The following VSTM4 variants were observed in gnomAD, a reference collection of about 807,000 sequenced individuals.
The protein encoded by VSTM4 is V-set and transmembrane domain containing 4.
VSTM4 carries 20 observed loss-of-function variants against 36.4 expected under a neutral mutation model. The observed-to-expected ratio is 0.55, with a 90% CI of 0.39 to 0.80. The LOEUF is 0.80. Ranked by LOEUF, VSTM4 falls within the 30% of genes least tolerant of loss-of-function variation. The pLI is 0.00. For missense variants in VSTM4, 392 were observed against 404.5 expected, an observed-to-expected ratio of 0.97 and a Z score of 0.26; for synonymous variants, 182 against 173.9, an observed-to-expected ratio of 1.05 and a Z score of -0.37.
chr10:49,060,031 T>C (rs577089985), intron 5 of VSTM4, among the ~76,000 whole-genome samples: 239 of 152,352 alleles, frequency 1.6e-3, no homozygotes, highest in South Asian at 2.5e-3. Context: ...CTTTGGTCCA[T>C]ACCCAGTGTG....
intron 5 of VSTM4, among the ~76,000 whole-genome samples, chr10:49,058,521 TG>T (rs1021051040): frequency 6.6e-5 from 10 of 152,172 alleles, no homozygotes; most frequent in Admixed American, 6.5e-4. Flanking sequence ...ACTCAGGCCC[TG>T]CTCTCTGCTC....
intron 2 of VSTM4, among the ~76,000 whole-genome samples, chr10:49,087,443 T>C (rs997608395): frequency 6.6e-6 from 1 of 152,232 alleles, no homozygotes; most frequent in African/African-American, 2.4e-5. Flanking sequence ...CCAGACATTG[T>C]ATATAGAAAA....
intron 7 of VSTM4, among the ~76,000 whole-genome samples, chr10:49,041,227 T>G (rs1452488514): frequency 6.6e-6 from 1 of 152,240 alleles, no homozygotes; most frequent in Non-Finnish European, 1.5e-5. Context: ...ACTAATGGTC[T>G]GATAGAGGCC....
chr10:49,062,522 G>A (rs917802337), intron 5 of VSTM4, among the ~76,000 whole-genome samples: 1 of 152,234 alleles, frequency 6.6e-6, no homozygotes, highest in African/African-American at 2.4e-5. Context: ...ATTCAGAGCA[G>A]AAATGCACTG....
intron 7 of VSTM4, 88 bp downstream of exon 7, chr10:49,046,895 T>C (rs1843618881): frequency 1.5e-6 from 2 of 1,290,392 alleles, no homozygotes; most frequent in African/African-American, 1.5e-5. Flanking sequence ...ACTTTCTGTA[T>C]GTTTTGAGTT....
At chr10:49,032,067 T>G (rs955826079) in intron 7 of VSTM4, among the ~76,000 whole-genome samples, 3 of 151,778 alleles carry the variant, frequency 2.0e-5, no homozygotes, top group African/African-American at 7.3e-5. Flanking sequence ...CCCCTTGCCC[T>G]GTTCTACTGC....
rs1843145727 is a variant in VSTM4 at position 49,019,360 on chromosome 10, TTTGGCTCAGCAGAAAATCTCC to T, written c.*269_*289del. ...GAAAGAGGAGAAAAATGTGAAGGGG[TTTGGCTCAGCAGAAAATCTCC>T]TTGGCTGCTCTCAGGATCAGAATCC... On this transcript the variant is annotated 3_prime_UTR_variant, in exon 8 of 8. Coordinates refer to ENST00000332853, the MANE Select transcript of VSTM4 (RefSeq NM_001031746.5). 1 of 261,378 alleles carries T rather than the reference TTTGGCTCAGCAGAAAATCTCC, an allele frequency of 3.8e-6. No individual in the cohort carries two copies. Among genetic ancestry groups the T allele is most frequent in the Admixed American group, 5.4e-5 (1 of 18,442 alleles). The allele number at this position is 261,378 out of a possible 1,614,324, so 16.2% of individuals were successfully genotyped here.
At chr10:49,034,948 C>T (rs1239204664) in intron 7 of VSTM4, among the ~76,000 whole-genome samples, 8 of 152,172 alleles carry the variant, frequency 5.3e-5, no homozygotes, top group African/African-American at 1.9e-4. Context: ...TATTTCCCAG[C>T]AGTGCAATGA....
chr10:49,083,344 T>A (rs541412272), intron 3 of VSTM4, among the ~76,000 whole-genome samples: 2 of 152,248 alleles, frequency 1.3e-5, no homozygotes, highest in East Asian at 3.9e-4. Context: ...ACAGCCAGGA[T>A]GAACTAAGCC....
chr10:49,017,166 C>T lies in VSTM4; in HGVS notation c.*2484G>A, dbSNP rs1843116043. 1 of 152,212 alleles carries T rather than the reference C, an allele frequency of 6.6e-6. No individual in the cohort carries two copies. Among genetic ancestry groups the T allele is most frequent in the African/African-American group, 2.4e-5 (1 of 41,444 alleles). 9.4% of individuals were successfully genotyped at this position (152,212 alleles called of 1,614,324 possible). A position where few individuals can be genotyped will look rare whatever the true frequency, so the allele number is the denominator to read the frequency against. ...GAAATGACAATGCATGATTAGTGGT[C>T]CATGGACAAAGAATGAATGAGTGGG... On this transcript the variant is annotated 3_prime_UTR_variant, in exon 8 of 8. Transcript: ENST00000332853.
At position 49,046,986 on chromosome 10, in the gene VSTM4, C is replaced by A; in HGVS notation, c.834G>T (p.Thr278=). ...AATACAGAAGACGGTTACTTACCAG[C>A]GTGACTTTTCTCTGTGGTTTCAGCA... ...PKLLKPQRKV[T]LPKIAEENLT... Residue 278 remains threonine (T), a synonymous_variant, in exon 7 of 8, where the codon ACG becomes ACT. Transcript: ENST00000332853. The A allele has an allele frequency of 6.2e-7, 1 of 1,613,942 alleles. No homozygotes were observed. The highest frequency in any genetic ancestry group is 8.5e-7 in the Non-Finnish European group (1 of 1,179,880).
intron 7 of VSTM4, among the ~76,000 whole-genome samples, chr10:49,046,524 A>G (rs1564572345): frequency 6.6e-6 from 1 of 152,240 alleles, no homozygotes; most frequent in Non-Finnish European, 1.5e-5. Context: ...TACCATGACT[A>G]TGTAAGAAAC....
At chr10:49,092,603 G>C (rs924718434) in intron 2 of VSTM4, among the ~76,000 whole-genome samples, 1 of 152,192 alleles carries the variant, frequency 6.6e-6, no homozygotes, top group East Asian at 1.9e-4. Flanking sequence ...GGGAAGGGGC[G>C]TGCTGGGTAG....
chr10:49,032,693 C>G (rs1242701194), intron 7 of VSTM4, among the ~76,000 whole-genome samples: 1 of 152,214 alleles, frequency 6.6e-6, no homozygotes, highest in African/African-American at 2.4e-5. Context: ...GACAGGGACA[C>G]TCTCCTCTTT....
intron 1 of VSTM4, among the ~76,000 whole-genome samples, chr10:49,114,964 C>A (rs372064305): frequency 4.6e-5 from 7 of 152,276 alleles, no homozygotes; most frequent in African/African-American, 1.4e-4. Context: ...CCGTTCCCCA[C>A]CTCCTGGCCA....
chr10:49,098,224 C>T (rs570510008), intron 2 of VSTM4, among the ~76,000 whole-genome samples: 1 of 152,240 alleles, frequency 6.6e-6, no homozygotes, highest in Non-Finnish European at 1.5e-5. Context: ...CAGGCCTCAG[C>T]CTTCCTCACC....
At chr10:49,113,401 T>C (rs1844932906) in intron 1 of VSTM4, among the ~76,000 whole-genome samples, 2 of 152,190 alleles carry the variant, frequency 1.3e-5, no homozygotes, top group African/African-American at 4.8e-5. Context: ...CCTTGCCCAA[T>C]GATAGAGGCT....
At chr10:49,020,933 A>T (rs1341357484) in intron 7 of VSTM4, among the ~76,000 whole-genome samples, 2 of 152,196 alleles carry the variant, frequency 1.3e-5, no homozygotes, top group African/African-American at 4.8e-5. Flanking sequence ...GATATTAAAA[A>T]GTCTATTAAT....
At chr10:49,068,883 C>T (rs534353170) in intron 4 of VSTM4, among the ~76,000 whole-genome samples, 1 of 152,166 alleles carries the variant, frequency 6.6e-6, no homozygotes, top group African/African-American at 2.4e-5. Flanking sequence ...AGCAACCGTC[C>T]TGCACAGAGG....
Sources: allele counts gnomAD v4.1 joint callset (sites outside exome capture counted in the v4.1 genomes callset), GRCh38; gene constraint gnomAD v4.1.1; transcripts MANE v1.5; gene names NCBI Gene and HGNC (gene_info 2026-07-23, HGNC 2026-07-21).